The following TOR1AIP1 variants were observed in gnomAD, a reference collection of about 807,000 sequenced individuals.
TOR1AIP1 encodes torsin 1A interacting protein 1, also known as torsin-1A-interacting protein 1.
Under a neutral mutation model 63.3 loss-of-function variants are expected in TOR1AIP1, and 54 were observed. The ratio of observed to expected loss-of-function variants is 0.85; its 90% CI spans 0.69 to 1.07. The LOEUF (loss-of-function observed/expected upper bound fraction) is 1.07. Ranked by LOEUF, TOR1AIP1 falls within the 50% of genes least tolerant of loss-of-function variation. The pLI is 0.00. For missense variants in TOR1AIP1, 736 were observed against 715.0 expected (o/e 1.03, Z -0.33); for synonymous variants, 294 against 273.5 (o/e 1.07, Z -0.74).
intron 9 of TOR1AIP1, among the ~76,000 whole-genome samples, chr1:179,916,184 T>A (rs776270742): frequency 6.6e-5 from 10 of 152,222 alleles, no homozygotes; most frequent in Non-Finnish European, 1.2e-4. Flanking sequence ...ATGACTACAC[T>A]CGTACAGTTT....
chr1:179,883,023 C>G (rs1219529146), intron 1 of TOR1AIP1, 46 bp downstream of exon 1: 2 of 1,559,028 alleles, frequency 1.3e-6, no homozygotes, highest in Admixed American at 3.8e-5. Flanking sequence ...CCAGGGAACG[C>G]GCGGGGGCGG....
Position 179,918,566 on chromosome 1 carries a change from GA to G in TOR1AIP1, c.*329del, listed in dbSNP as rs1248933967. ...GAGAGGGATTTGTGTCCTTTCTTAT[GA>G]ACCTTCCTGATTTTTTAACTTAGAT... On this transcript the variant is annotated 3_prime_UTR_variant, in exon 10 of 10. Transcript: ENST00000606911. The G allele has an allele frequency of 5.1e-6, 1 of 197,596 alleles. No homozygotes were observed. Among genetic ancestry groups the G allele is most frequent in the Non-Finnish European group, 1.0e-5 (1 of 97,300 alleles). The allele number at this position is 197,596 out of a possible 1,614,324, so 12.2% of individuals were successfully genotyped here. A position where few individuals can be genotyped will look rare whatever the true frequency, so the allele number is the denominator to read the frequency against.
At chr1:179,904,746 T>C (rs941914070) in intron 6 of TOR1AIP1, 7 of 152,244 alleles carry the variant, frequency 4.6e-5, no homozygotes, top group African/African-American at 7.2e-5. Context: ...TGCCTCAGTT[T>C]CCTGAGTAGC....
At chr1:179,894,019 T>A (rs1648185836) in intron 3 of TOR1AIP1, among the ~76,000 whole-genome samples, 1 of 151,858 alleles carries the variant, frequency 6.6e-6, no homozygotes, top group Non-Finnish European at 1.5e-5. Context: ...ATCCCAGCAC[T>A]TTGGGAGGCA....
At position 179,882,443 on chromosome 1, in the gene TOR1AIP1, C is replaced by A; in HGVS notation, c.-60C>A. On this transcript the variant is annotated 5_prime_UTR_variant, in exon 1 of 10. Coordinates refer to ENST00000606911, the MANE Select transcript of TOR1AIP1 (RefSeq NM_015602.4). ...CCCGAGAAGCCATCGCCACCACCGGCAGGAGAACCTAGGGTCCATAAAGCC... is the reference window on the plus strand; with the variant it reads ...CCCGAGAAGCCATCGCCACCACCGGAAGGAGAACCTAGGGTCCATAAAGCC... 1 of 1,344,204 alleles carries A rather than the reference C, an allele frequency of 7.4e-7. No individual in the cohort carries two copies. Among genetic ancestry groups the A allele is most frequent in the Non-Finnish European group, 9.6e-7 (1 of 1,039,526 alleles). 83.3% of individuals were successfully genotyped at this position (1,344,204 alleles called of 1,614,324 possible). A position where few individuals can be genotyped will look rare whatever the true frequency, so the allele number is the denominator to read the frequency against.
chr1:179,895,134 A>C (rs1648223230), intron 3 of TOR1AIP1, among the ~76,000 whole-genome samples: 1 of 152,222 alleles, frequency 6.6e-6, no homozygotes, highest in Non-Finnish European at 1.5e-5. Flanking sequence ...AGGTTACTGG[A>C]AAATATAACA....
Position 179,917,526 on chromosome 1 carries a change from C to T in TOR1AIP1, c.1039C>T (p.Leu347Phe). 6.2e-7 allele frequency: 1 copy of T among 1,614,052 alleles called. No homozygotes were observed. The highest frequency in any genetic ancestry group is 8.5e-7 in the Non-Finnish European group (1 of 1,180,030). Residue 347 changes from leucine to phenylalanine, a missense_variant, in exon 10 of 10, where the codon CTT becomes TTT. Coordinates refer to ENST00000606911, the MANE Select transcript of TOR1AIP1 (RefSeq NM_015602.4). ...GTGGCTACTTCCTCTGATAGCTGCT[C>T]TTGCCTCTGGGAGTTTTTGGTTCTT... is the stretch of plus-strand genomic sequence containing the variant. ...RWWLLPLIAA[L>F]ASGSFWFFST... is the part of the protein sequence containing the mutation.
rs1313887423 is a variant in TOR1AIP1 at position 179,919,659 on chromosome 1, T to C, written c.*1420T>C. The stretch of plus-strand genomic sequence containing the variant: ...TACAATTCTAGATCTATCCACCTTG[T>C]TTTTTTATTGTCTACAAACCATTAA... On this transcript the variant is annotated 3_prime_UTR_variant, in exon 10 of 10. Coordinates refer to ENST00000606911, the MANE Select transcript of TOR1AIP1 (RefSeq NM_015602.4). 1 of 152,218 alleles carries C rather than the reference T, an allele frequency of 6.6e-6. No homozygotes were observed. Among genetic ancestry groups the C allele is most frequent in the African/African-American group, 2.4e-5 (1 of 41,454 alleles). The allele number at this position is 152,218 out of a possible 1,614,324, so 9.4% of individuals were successfully genotyped here.
chr1:179,917,542 T>C lies in TOR1AIP1; in HGVS notation c.1055T>C (p.Phe352Ser). 1 of 1,614,126 alleles carries C rather than the reference T, an allele frequency of 6.2e-7. No individual in the cohort carries two copies. Among genetic ancestry groups the C allele is most frequent in the Non-Finnish European group, 8.5e-7 (1 of 1,180,030 alleles). The change falls in exon 10 of 10, where the codon TTT becomes TCT. Residue 352 changes from phenylalanine (F) to serine (S), a missense_variant. This residue lies in a region of TOR1AIP1 where 272 missense variants were observed against 344.1 expected (regional missense o/e 0.79). Transcript: ENST00000606911. ...PLIAALASGS[F>S]WFFSTPEVET... ...ATAGCTGCTCTTGCCTCTGGGAGTT[T>C]TTGGTTCTTTAGTACTCCTGAGGTA...
At position 179,903,803 on chromosome 1, in the gene TOR1AIP1, C is replaced by T. The variant is rs768325820; in HGVS notation, c.740-163C>T. On this transcript the variant is annotated intron_variant, in intron 5 of 9. Coordinates refer to ENST00000606911, the MANE Select transcript of TOR1AIP1 (RefSeq NM_015602.4). ...GGATTATAGGCAAGAGCCACTGCAC[C>T]CAGCCTAGAAATTTTTTAAATAAAT... Among the ~76,000 whole-genome samples, 10 of 152,190 alleles carry T rather than the reference C, an allele frequency of 6.6e-5. No homozygotes were observed. The South Asian group carries it at 1.0e-3, about 16-fold the overall frequency.
intron 6 of TOR1AIP1, among the ~76,000 whole-genome samples, chr1:179,904,241 AAACT>A (rs1553243442): frequency 6.6e-6 from 1 of 152,228 alleles, no homozygotes; most frequent in Non-Finnish European, 1.5e-5. Context: ...AACAAACAAA[AAACT>A]ACTACTTCCT....
At chr1:179,903,070 C>T (rs1201437103) in intron 5 of TOR1AIP1, among the ~76,000 whole-genome samples, 1 of 150,868 alleles carries the variant, frequency 6.6e-6, no homozygotes, top group Non-Finnish European at 1.5e-5. Flanking sequence ...AAAACAGCAA[C>T]CTGATCACTT....
rs576868312 is a variant in TOR1AIP1 at position 179,883,216 on chromosome 1, GGGGCGCTCTGCCCAACATC to G, written c.475+244_475+262del. ...CGTGTGGAGCGACCCGGGCAGGGCT[GGGGCGCTCTGCCCAACATC>G]GGGCATCAATTTAGGGGAGTCAGAG... On this transcript the variant is annotated intron_variant, in intron 1 of 9. Coordinates refer to ENST00000606911, the MANE Select transcript of TOR1AIP1 (RefSeq NM_015602.4). 1.2e-4 allele frequency: 67 copies of G among 575,942 alleles called. No individual in the cohort carries two copies. In the East Asian group the frequency reaches 1.3e-3, roughly 11 times the overall value. The allele number at this position is 575,942 out of a possible 1,614,324, so 35.7% of individuals were successfully genotyped here. A position where few individuals can be genotyped will look rare whatever the true frequency, so the allele number is the denominator to read the frequency against.
rs1571718952 is a variant in TOR1AIP1, at chr1:179,882,717, C to T, written c.215C>T (p.Pro72Leu). 6.2e-7 allele frequency: 1 copy of T among 1,613,536 alleles called. No individual in the cohort carries two copies. The highest frequency in any genetic ancestry group is 2.2e-5 in the East Asian group (1 of 44,878). ...EPPEVYGDFE[P>L]LVAKERSPVG... is the part of the protein sequence containing the mutation. ...CCAGAAGTGTACGGCGACTTCGAGC[C>T]CCTGGTGGCCAAAGAAAGGTCCCCG... is the stretch of plus-strand genomic sequence containing the variant. Residue 72 changes from proline (P) to leucine (L), a missense_variant, in exon 1 of 10, where the codon CCC becomes CTC. This residue lies in a region of TOR1AIP1 where 464 missense variants were observed against 371.0 expected (regional missense o/e 1.25). Coordinates refer to ENST00000606911, the MANE Select transcript of TOR1AIP1 (RefSeq NM_015602.4).
intron 8 of TOR1AIP1, among the ~76,000 whole-genome samples, chr1:179,911,969 CTTTTTCT>C (rs1648849299): frequency 2.1e-5 from 3 of 142,778 alleles, no homozygotes; most frequent in Non-Finnish European, 4.6e-5. Context: ...TGAGTTTTTT[CTTTTTCT>C]TTTTTTCTTT....
Position 179,882,367 on chromosome 1 carries a change from C to G in TOR1AIP1, c.-136C>G, listed in dbSNP as rs1647727236. On this transcript the variant is annotated 5_prime_UTR_variant, in exon 1 of 10. Transcript: ENST00000606911. ...CAGCAGCGACGACGCAGGCGGCGGCCCCAGCGACTCGCAACTGCCTCCCTG... is the reference window on the plus strand; with the variant it reads ...CAGCAGCGACGACGCAGGCGGCGGCGCCAGCGACTCGCAACTGCCTCCCTG... 3.4e-6 allele frequency: 3 copies of G among 889,424 alleles called. No homozygotes were observed. The highest frequency in any genetic ancestry group is 7.5e-5 in the Admixed American group (2 of 26,794). The allele number at this position is 889,424 out of a possible 1,614,324, so 55.1% of individuals were successfully genotyped here.
At chr1:179,887,982 A>G (rs978261561) in intron 2 of TOR1AIP1, 2 of 152,204 alleles carry the variant, frequency 1.3e-5, no homozygotes, top group African/African-American at 2.4e-5. Context: ...TTGTTCTCTC[A>G]TACCTCTCTC....
intron 3 of TOR1AIP1, among the ~76,000 whole-genome samples, chr1:179,893,463 C>G (rs1031902886): frequency 6.6e-6 from 1 of 151,926 alleles, no homozygotes; most frequent in Admixed American, 6.6e-5. Context: ...TTTTTTGAGA[C>G]AGAGTCTCAA....
chr1:179,893,896 A>G (rs1648182531), intron 3 of TOR1AIP1, among the ~76,000 whole-genome samples: 1 of 152,180 alleles, frequency 6.6e-6, no homozygotes, highest in Non-Finnish European at 1.5e-5. Flanking sequence ...GTGACTCACA[A>G]AGCTTAAAAT....
Sources: allele counts gnomAD v4.1 joint callset (sites outside exome capture counted in the v4.1 genomes callset), GRCh38; gene constraint gnomAD v4.1.1; regional missense constraint gnomAD v4.1.1; transcripts MANE v1.5; gene names NCBI Gene and HGNC (gene_info 2026-07-23, HGNC 2026-07-21).